The following QSOX1 variants were observed in gnomAD, a reference collection of about 807,000 sequenced individuals.
QSOX1 encodes the protein sulfhydryl oxidase 1.
Under a neutral mutation model 76.1 loss-of-function variants are expected in QSOX1, and 40 were observed. The observed-to-expected ratio is 0.53, with a 90% CI of 0.41 to 0.68. QSOX1 has a LOEUF of 0.68. QSOX1 is among the 30% of genes least tolerant of loss of function. The pLI, the probability that QSOX1 is intolerant of heterozygous loss-of-function variation, is 0.00. For synonymous variants in QSOX1, 392 were observed against 413.1 expected (o/e 0.95, Z 0.62); for missense variants, 931 against 974.3 (o/e 0.96, Z 0.59).
At chr1:180,185,012 G>T (rs1198425788) in intron 7 of QSOX1, among the ~76,000 whole-genome samples, 1 of 152,208 alleles carries the variant, frequency 6.6e-6, no homozygotes, top group East Asian at 1.9e-4. Context: ...TATGTGCCAG[G>T]CTCTGTGCTG....
At chr1:180,157,838 G>C (rs1310863651) in intron 1 of QSOX1, among the ~76,000 whole-genome samples, 1 of 152,160 alleles carries the variant, frequency 6.6e-6, no homozygotes, top group Admixed American at 6.5e-5. Flanking sequence ...CATTGCAGTT[G>C]GGGAAATGAG....
intron 2 of QSOX1, among the ~76,000 whole-genome samples, chr1:180,166,976 C>T (rs1230754062): frequency 6.6e-6 from 1 of 152,236 alleles, no homozygotes; most frequent in Admixed American, 6.5e-5. Flanking sequence ...GTCAGGGTAG[C>T]CTCACCCCAC....
At chr1:180,157,443 G>T (rs762814845) in intron 1 of QSOX1, among the ~76,000 whole-genome samples, 14 of 152,238 alleles carry the variant, frequency 9.2e-5, no homozygotes, top group Non-Finnish European at 1.9e-4. Context: ...CCCGCAGAGG[G>T]CTGTGCTCAT....
chr1:180,175,072 C>A (rs1662852492), intron 2 of QSOX1, among the ~76,000 whole-genome samples: 1 of 151,600 alleles, frequency 6.6e-6, no homozygotes, highest in African/African-American at 2.4e-5. Flanking sequence ...CAGGAGAGTC[C>A]CTTGAACCTG....
chr1:180,183,793 G>A (rs984963952), intron 6 of QSOX1, 123 bp from the exon 7 acceptor site: 6 of 1,148,548 alleles, frequency 5.2e-6, no homozygotes, highest in Middle Eastern at 2.1e-4. Flanking sequence ...ATGGAATCTC[G>A]TTCACATATT....
chr1:180,190,866 G>A (rs567528356), intron 10 of QSOX1, among the ~76,000 whole-genome samples: 40 of 152,216 alleles, frequency 2.6e-4, no homozygotes, highest in Admixed American at 1.6e-3. Flanking sequence ...GTCTTTCTCC[G>A]GGCTTATAGT....
intron 6 of QSOX1, among the ~76,000 whole-genome samples, chr1:180,183,348 T>TC (rs1352886050): frequency 1.4e-5 from 2 of 141,512 alleles, no homozygotes; most frequent in South Asian, 2.3e-4. Context: ...CCTGGAGGAC[T>TC]CCTCCCTGTC....
intron 4 of QSOX1, among the ~76,000 whole-genome samples, chr1:180,178,402 A>G (rs1434522693): frequency 6.6e-6 from 1 of 152,104 alleles, no homozygotes; most frequent in Non-Finnish European, 1.5e-5. Context: ...TAAATTTTGT[A>G]TTTTTAGTAG....
intron 5 of QSOX1, among the ~76,000 whole-genome samples, chr1:180,181,489 A>G (rs1663034663): frequency 6.6e-6 from 1 of 152,230 alleles, no homozygotes; most frequent in Non-Finnish European, 1.5e-5. Context: ...TGACTACTGC[A>G]CATACTGGGC....
At chr1:180,164,682 A>G (rs1662571538) in intron 1 of QSOX1, among the ~76,000 whole-genome samples, 1 of 152,204 alleles carries the variant, frequency 6.6e-6, no homozygotes, top group Non-Finnish European at 1.5e-5. Context: ...ACGTGTTCTT[A>G]GGAGCTCTGA....
Position 180,155,116 on chromosome 1 carries a change from G to A in QSOX1, c.209G>A (p.Cys70Tyr), listed in dbSNP as rs954696948. The A allele has an allele frequency of 2.6e-6, 4 of 1,522,800 alleles. No homozygotes were observed. Among genetic ancestry groups the A allele is most frequent in the African/African-American group, 1.4e-5 (1 of 70,294 alleles). 94.3% of individuals were successfully genotyped at this position (1,522,800 alleles called of 1,614,324 possible). Residue 70 changes from cysteine (C) to tyrosine (Y), a missense_variant, in exon 1 of 12, where the codon TGC becomes TAC. Coordinates refer to ENST00000367602, the MANE Select transcript of QSOX1 (RefSeq NM_002826.5). ...AWAVEFFASW[C>Y]GHCIAFAPTW... ...GCCGTGGAGTTCTTCGCCTCCTGGTGCGGCCACTGCATCGCCTTCGCCCCG... is the reference window on the plus strand; with the variant it reads ...GCCGTGGAGTTCTTCGCCTCCTGGTACGGCCACTGCATCGCCTTCGCCCCG...
At position 180,198,126 on chromosome 1, in the gene QSOX1, G is replaced by T; in HGVS notation, c.*1089G>T. On this transcript the variant is annotated 3_prime_UTR_variant, in exon 12 of 12. Coordinates refer to ENST00000367602, the MANE Select transcript of QSOX1 (RefSeq NM_002826.5). ...ACCAGCCTCACCTGGAATGCAGCCA[G>T]ACTCGATGTCCCTCAGCACACACAG... 2.2e-6 allele frequency: 1 copy of T among 454,074 alleles called. No individual in the cohort carries two copies. The highest frequency in any genetic ancestry group is 4.4e-6 in the Non-Finnish European group (1 of 224,918). The allele number at this position is 454,074 out of a possible 1,614,324, so 28.1% of individuals were successfully genotyped here. A position where few individuals can be genotyped will look rare whatever the true frequency, so the allele number is the denominator to read the frequency against.
At chr1:180,182,013 G>A (rs1028874853) in intron 5 of QSOX1, among the ~76,000 whole-genome samples, 161 bp from the exon 6 acceptor site, 1 of 152,212 alleles carries the variant, frequency 6.6e-6, no homozygotes, top group Non-Finnish European at 1.5e-5. Flanking sequence ...TGTTGATGGC[G>A]AGTATCTCTT....
intron 6 of QSOX1, among the ~76,000 whole-genome samples, chr1:180,183,652 T>C (rs60738487): frequency 0.14 from 21,007 of 152,200 alleles, 1,610 homozygotes; most frequent in Middle Eastern, 0.21. Context: ...GGGGAATTCT[T>C]GGGCCCAATT....
At position 180,197,536 on chromosome 1, in the gene QSOX1, C is replaced by A. The variant is rs2149244491; in HGVS notation, c.*499C>A. 1.2e-6 allele frequency: 1 copy of A among 808,334 alleles called. No homozygotes were observed. Among genetic ancestry groups the A allele is most frequent in the East Asian group, 2.6e-5 (1 of 38,278 alleles). The allele number at this position is 808,334 out of a possible 1,614,324, so 50.1% of individuals were successfully genotyped here. On this transcript the variant is annotated 3_prime_UTR_variant, in exon 12 of 12. Transcript: ENST00000367602. Reference sequence around the variant, plus strand: ...CTTTGCACCCTGGGAGGAAGGACCACCCCGGGCCCTCTATGCCTGGCCAGC... The same window carrying A: ...CTTTGCACCCTGGGAGGAAGGACCAACCCGGGCCCTCTATGCCTGGCCAGC...
At chr1:180,174,020 T>A (rs991119592) in intron 2 of QSOX1, among the ~76,000 whole-genome samples, 2 of 152,182 alleles carry the variant, frequency 1.3e-5, no homozygotes, top group African/African-American at 4.8e-5. Flanking sequence ...AGCTGCCAGC[T>A]TGGGATAAGG....
At chr1:180,187,416 C>T (rs996804153) in intron 8 of QSOX1, among the ~76,000 whole-genome samples, 3 of 152,180 alleles carry the variant, frequency 2.0e-5, no homozygotes, top group African/African-American at 7.2e-5. Flanking sequence ...AACTGACCCA[C>T]GTACAGTCCC....
chr1:180,166,488 C>T lies in QSOX1; in HGVS notation c.266-3C>T. The T allele has an allele frequency of 6.2e-7, 1 of 1,613,598 alleles. No homozygotes were observed. Among genetic ancestry groups the T allele is most frequent in the East Asian group, 2.2e-5 (1 of 44,876 alleles). On this transcript the variant is annotated splice_polypyrimidine_tract_variant and splice_region_variant and intron_variant, in intron 1 of 11. Transcript: ENST00000367602. Reference sequence around the variant, plus strand: ...TTTACCCCTGGGTTTTTTGTCCTTTCAGCCTGGAGGCCGGCCCTGTATCTC... The same window carrying T: ...TTTACCCCTGGGTTTTTTGTCCTTTTAGCCTGGAGGCCGGCCCTGTATCTC...
chr1:180,160,345 T>C (rs548327991), intron 1 of QSOX1, among the ~76,000 whole-genome samples: 28 of 151,612 alleles, frequency 1.8e-4, no homozygotes, highest in African/African-American at 6.3e-4. Context: ...CCCTGTTCGC[T>C]AGTAGGTAGC....
Sources: gnomAD v4.1 joint callset for allele counts (sites outside exome capture counted in the v4.1 genomes callset) on GRCh38, gnomAD v4.1.1 for gene constraint, MANE v1.5 for transcripts, NCBI Gene and HGNC (gene_info 2026-07-23, HGNC 2026-07-21) for gene names.